Variants in NCOR1 observed in about 807,000 individuals in gnomAD.
NCOR1 encodes nuclear receptor corepressor 1.
NCOR1 carries 63 observed loss-of-function variants against 288.1 expected under a neutral mutation model. The observed-to-expected ratio is 0.22, with a 90% confidence interval of 0.18 to 0.27. The LOEUF (loss-of-function observed/expected upper bound fraction) is 0.27, where lower values mean the gene tolerates loss of function less well. NCOR1 is among the 10% of genes least tolerant of loss of function. The probability of loss-of-function intolerance (pLI) is 1.00; values close to 1 mark genes in which losing one functional copy is unlikely to be tolerated. For missense variants in NCOR1, 2,397 were observed against 3,019.2 expected, an observed-to-expected ratio of 0.79 and a Z score of 4.83; for synonymous variants, 1,007 against 1,065.9, an observed-to-expected ratio of 0.94 and a Z score of 1.08.
Position 16,215,527 on chromosome 17 carries a change from C to G in NCOR1, c.-236G>C. ...GCTGCTTCGCCACCTTGGCCGCCATCTTGACTCAACCCCTCTCCCTCCCCC... is the reference window on the plus strand; with the variant it reads ...GCTGCTTCGCCACCTTGGCCGCCATGTTGACTCAACCCCTCTCCCTCCCCC... On this transcript the variant is annotated 5_prime_UTR_variant, in exon 1 of 46. Coordinates refer to ENST00000268712, the MANE Select transcript of NCOR1 (RefSeq NM_006311.4). The G allele has an allele frequency of 2.5e-6, 1 of 398,672 alleles. No homozygotes were observed. The highest frequency in any genetic ancestry group is 4.4e-6 in the Non-Finnish European group (1 of 226,186). The allele number at this position is 398,672 out of a possible 1,614,324, so 24.7% of individuals were successfully genotyped here.
chr17:16,181,823 T>TA (rs906131269), intron 3 of NCOR1, among the ~76,000 whole-genome samples: 2 of 151,792 alleles, frequency 1.3e-5, no homozygotes, highest in African/African-American at 2.4e-5. Flanking sequence ...TCCTAGATAA[T>TA]AAAAAAAGTG....
At chr17:16,057,766 A>C in intron 39 of NCOR1, 29 bp from the exon 40 acceptor site, 1 of 1,600,294 alleles carries the variant, frequency 6.2e-7, no homozygotes, top group Non-Finnish European at 8.5e-7. Flanking sequence ...GGAAGTGGTA[A>C]AATTCATTGA....
chr17:16,138,248 C>T, intron 12 of NCOR1, 36 bp from the exon 13 acceptor site: 1 of 1,495,770 alleles, frequency 6.7e-7, no homozygotes, highest in Non-Finnish European at 9.2e-7. Context: ...CACTTGCGTA[C>T]AAATATTTCA....
intron 23 of NCOR1, among the ~76,000 whole-genome samples, chr17:16,085,002 A>T (rs1420012915): frequency 6.6e-6 from 1 of 152,224 alleles, no homozygotes. Context: ...ACCAGTAAGA[A>T]AATAAACAGA....
At chr17:16,033,641 G>A (rs181703900) in intron 45 of NCOR1, among the ~76,000 whole-genome samples, 116 of 109,634 alleles carry the variant, frequency 1.1e-3, no homozygotes, top group African/African-American at 3.5e-3. Context: ...TCTAAAATTC[G>A]TAATATCCCA....
At chr17:16,133,377 A>G (rs746747382) in intron 14 of NCOR1, among the ~76,000 whole-genome samples, 1 of 152,172 alleles carries the variant, frequency 6.6e-6, no homozygotes, top group African/African-American at 2.4e-5. Flanking sequence ...TCAAGCATAA[A>G]CTTCAGCAGA....
At chr17:16,145,503 C>A (rs1402932364) in intron 10 of NCOR1, among the ~76,000 whole-genome samples, 2 of 147,084 alleles carry the variant, frequency 1.4e-5, no homozygotes, top group African/African-American at 4.9e-5. Context: ...CGCCTCTGCC[C>A]GGCCACGACC....
chr17:16,178,128 C>G (rs1428808951), intron 3 of NCOR1, among the ~76,000 whole-genome samples: 1 of 151,958 alleles, frequency 6.6e-6, no homozygotes, highest in Non-Finnish European at 1.5e-5. Flanking sequence ...AGAATCCCTT[C>G]AACCCGGGAG....
intron 32 of NCOR1, among the ~76,000 whole-genome samples, chr17:16,066,990 G>A (rs917723685): frequency 6.6e-6 from 1 of 152,208 alleles, no homozygotes; most frequent in Admixed American, 6.5e-5. Flanking sequence ...GAAAACACAT[G>A]TGTGACTGGG....
chr17:16,064,224 A>G (rs1448225870), intron 34 of NCOR1, 37 bp from the exon 35 acceptor site: 1 of 1,593,420 alleles, frequency 6.3e-7, no homozygotes, highest in Non-Finnish European at 8.6e-7. Flanking sequence ...AGATAAAAAT[A>G]TCAACTGACT....
intron 14 of NCOR1, among the ~76,000 whole-genome samples, chr17:16,128,140 C>T (rs758223428): frequency 2.1e-4 from 32 of 152,182 alleles, no homozygotes; most frequent in Non-Finnish European, 4.1e-4. Flanking sequence ...AACTCCAACA[C>T]ATCTTTCCAG....
At chr17:16,168,676 T>C (rs2082510962) in intron 4 of NCOR1, among the ~76,000 whole-genome samples, 1 of 151,840 alleles carries the variant, frequency 6.6e-6, no homozygotes, top group African/African-American at 2.4e-5. Flanking sequence ...AAAATCAACC[T>C]AAATAATGTA....
In NCOR1 at chr17:16,109,046, G is replaced by GT. The variant is rs560675250; in HGVS notation, c.2056-135dup. ...GGTCACATGTTTGACAATAGTTCTG[G>GT]TTAAAGTGCAGATAAATACCTCTCC... is the stretch of plus-strand genomic sequence containing the variant. On this transcript the variant is annotated intron_variant, in intron 18 of 45. Coordinates refer to ENST00000268712, the MANE Select transcript of NCOR1 (RefSeq NM_006311.4). The GT allele has an allele frequency of 1.3e-4, 92 of 706,218 alleles. No individual in the cohort carries two copies. The East Asian group carries it at 2.7e-3, about 20-fold the overall frequency. The allele number at this position is 706,218 out of a possible 1,614,324, so 43.7% of individuals were successfully genotyped here.
At chr17:16,068,689 CAA>C (rs1046555559) in intron 31 of NCOR1, among the ~76,000 whole-genome samples, 5 of 151,102 alleles carry the variant, frequency 3.3e-5, no homozygotes, top group African/African-American at 7.3e-5. Context: ...AATATATATT[CAA>C]ACACTTATTA....
At chr17:16,118,091 TA>T (rs1303525246) in intron 17 of NCOR1, 64 bp from the exon 18 acceptor site, 121 of 1,515,416 alleles carry the variant, frequency 8.0e-5, no homozygotes, top group Non-Finnish European at 1.1e-4. Context: ...ACAAGAGAAA[TA>T]ATAAATTAAC....
chr17:16,049,059 T>C, intron 40 of NCOR1, 71 bp from the exon 41 acceptor site: 1 of 1,428,254 alleles, frequency 7.0e-7, no homozygotes, highest in South Asian at 1.6e-5. Context: ...CAGAAACTTG[T>C]TAACTCATGA....
intron 26 of NCOR1, among the ~76,000 whole-genome samples, chr17:16,077,872 AGAT>A (rs558467692): frequency 3.9e-5 from 6 of 152,220 alleles, no homozygotes; most frequent in Non-Finnish European, 7.3e-5. Context: ...AATAAAAATA[AGAT>A]GATAAAGTAG....
In NCOR1 at chr17:16,167,625, C is replaced by T. The variant is rs150305827; in HGVS notation, c.436-2464G>A. On this transcript the variant is annotated intron_variant, in intron 4 of 45. Coordinates refer to ENST00000268712, the MANE Select transcript of NCOR1 (RefSeq NM_006311.4). ...CTGTAATCCCAGCACTTTGGGAGGC[C>T]GAGGCGGGCAGATCACTAGAGGTCA... 6.5e-3 allele frequency among the ~76,000 whole-genome samples: 990 copies of T among 151,754 alleles called. 6 individuals are homozygous for T. Among genetic ancestry groups the T allele is most frequent in the Non-Finnish European group, 9.1e-3 (617 of 67,884 alleles).
intron 18 of NCOR1, among the ~76,000 whole-genome samples, chr17:16,114,829 G>C (rs1176482711): frequency 1.3e-5 from 2 of 152,202 alleles, no homozygotes; most frequent in African/African-American, 4.8e-5. Context: ...TTGAGTGTCT[G>C]CGGCTTTTCC....
Sources: allele counts gnomAD v4.1 joint callset (sites outside exome capture counted in the v4.1 genomes callset), GRCh38; gene constraint gnomAD v4.1.1; transcripts MANE v1.5; gene names NCBI Gene and HGNC (gene_info 2026-07-23, HGNC 2026-07-21).